Variants in CFAP20DC observed in about 807,000 individuals in gnomAD.
CFAP20DC encodes the protein CFAP20 domain containing.
CFAP20DC carries 84 observed loss-of-function variants against 101.7 expected under a neutral mutation model. That is an observed-to-expected ratio of 0.83 (90% CI 0.69 to 0.99). The LOEUF (loss-of-function observed/expected upper bound fraction) is 0.99. CFAP20DC is among the 50% of genes least tolerant of loss of function. The probability of loss-of-function intolerance (pLI) is 0.00; values close to 1 mark genes in which losing one functional copy is unlikely to be tolerated. For synonymous variants in CFAP20DC, 359 were observed against 351.2 expected (o/e 1.02, Z -0.25); for missense variants, 1,007 against 970.3 (o/e 1.04, Z -0.50).
chr3:58,768,950 G>A (rs1015361593), intron 15 of CFAP20DC, among the ~76,000 whole-genome samples: 22 of 152,184 alleles, frequency 1.4e-4, no homozygotes, highest in African/African-American at 5.3e-4. Context: ...ACATTAGGAG[G>A]AACTGGGGAG....
chr3:58,866,728 G>C, intron 10 of CFAP20DC, 40 bp from the exon 11 acceptor site: 1 of 1,319,058 alleles, frequency 7.6e-7, no homozygotes, highest in Non-Finnish European at 1.1e-6. Flanking sequence ...TACTTCTTTT[G>C]AAATTTATAA....
At chr3:58,755,079 A>G (rs1481795507) in intron 15 of CFAP20DC, among the ~76,000 whole-genome samples, 2 of 152,196 alleles carry the variant, frequency 1.3e-5, no homozygotes, top group African/African-American at 4.8e-5. Context: ...AATGATTAAC[A>G]GTCTATACAA....
Position 58,863,854 on chromosome 3 carries a change from A to G in CFAP20DC, c.1297T>C (p.Tyr433His), listed in dbSNP as rs2079451604. ...IFPENADHISYLASSRQSLLL... is the reference protein window; with the variant it reads ...IFPENADHISHLASSRQSLLL... ...AGAGACTGTCTGCTGGATGCCAGATATGAAATGTGATCAGCATTTTCAGGA... is the reference window on the plus strand; with the variant it reads ...AGAGACTGTCTGCTGGATGCCAGATGTGAAATGTGATCAGCATTTTCAGGA... Residue 433 changes from tyrosine to histidine, a missense_variant, in exon 12 of 17, where the codon TAT (tyrosine) becomes CAT (histidine). Transcript: ENST00000482387. This position sits in a 1 kb window ranked among gnomAD's most constrained non-coding sequence, Gnocchi z 5.9. 1 of 1,613,716 alleles carries G rather than the reference A, an allele frequency of 6.2e-7. No homozygotes were observed. Among genetic ancestry groups the G allele is most frequent in the South Asian group, 1.1e-5 (1 of 90,956 alleles).
chr3:58,843,571 C>A (rs929101126), intron 13 of CFAP20DC, among the ~76,000 whole-genome samples: 3 of 151,874 alleles, frequency 2.0e-5, no homozygotes, highest in Non-Finnish European at 2.9e-5. Context: ...AGAATGGAAC[C>A]AAGTTGGAAA....
At chr3:58,920,869 ACTTC>A (rs1306024199) in intron 5 of CFAP20DC, among the ~76,000 whole-genome samples, 1 of 152,184 alleles carries the variant, frequency 6.6e-6, no homozygotes, top group Non-Finnish European at 1.5e-5. Context: ...TGGTATTATT[ACTTC>A]CTTAAATTTT....
chr3:58,867,984 TGGCTTGAA>T, intron 9 of CFAP20DC, 48 bp from the exon 10 acceptor site: 2 of 1,530,320 alleles, frequency 1.3e-6, no homozygotes. Flanking sequence ...AAGTGCTATA[TGGCTTGAA>T]GTAACTCAGT....
intron 4 of CFAP20DC, among the ~76,000 whole-genome samples, chr3:58,953,263 G>A (rs985723505): frequency 6.6e-6 from 1 of 152,164 alleles, no homozygotes; most frequent in African/African-American, 2.4e-5. Context: ...ATCTTTCAAC[G>A]TAATCCAACA....
intron 12 of CFAP20DC, among the ~76,000 whole-genome samples, chr3:58,850,275 C>T (rs1203070631): frequency 2.0e-5 from 3 of 151,974 alleles, no homozygotes; most frequent in East Asian, 1.9e-4. Flanking sequence ...GTAGATTCTT[C>T]GAATTTGACT....
intron 4 of CFAP20DC, among the ~76,000 whole-genome samples, chr3:58,995,713 C>T (rs988207626): frequency 6.6e-6 from 1 of 152,114 alleles, no homozygotes; most frequent in African/African-American, 2.4e-5. Context: ...AGGTCTCATC[C>T]AATCAATTGG....
intron 6 of CFAP20DC, among the ~76,000 whole-genome samples, chr3:58,891,197 C>G (rs1483825265): frequency 7.0e-6 from 1 of 143,328 alleles, no homozygotes; most frequent in African/African-American, 2.6e-5. Context: ...CCGAGGCTGG[C>G]GGATCACTCG....
chr3:59,021,318 A>T (rs2093798468), intron 4 of CFAP20DC, among the ~76,000 whole-genome samples: 1 of 152,084 alleles, frequency 6.6e-6, no homozygotes, highest in African/African-American at 2.4e-5. Context: ...AGTATAATAG[A>T]TCTGACTACA....
At position 58,863,119 on chromosome 3, in the gene CFAP20DC, T is replaced by C. The variant is rs1034783725; in HGVS notation, c.1593+439A>G. ...CCATATGGAAAATAATGAGTCCTAATAGGTCTAAGGTGAAAAGATGGCAGG... is the reference window on the plus strand; with the variant it reads ...CCATATGGAAAATAATGAGTCCTAACAGGTCTAAGGTGAAAAGATGGCAGG... On this transcript the variant is annotated intron_variant, in intron 12 of 16. Transcript: ENST00000482387. The surrounding 1 kb of genome is among the most constrained non-coding windows in gnomAD (Gnocchi z 5.9). 9.8e-7 allele frequency: 1 copy of C among 1,024,158 alleles called. No individual in the cohort carries two copies. The allele number at this position is 1,024,158 out of a possible 1,614,324, so 63.4% of individuals were successfully genotyped here.
chr3:58,821,164 A>C (rs1240922723), intron 14 of CFAP20DC, among the ~76,000 whole-genome samples: 1 of 152,034 alleles, frequency 6.6e-6, no homozygotes, highest in African/African-American at 2.4e-5. Flanking sequence ...TAAAGATTTA[A>C]ACGTTAGACC....
In CFAP20DC at chr3:58,724,716, C is replaced by T; in HGVS notation, c.198-7088G>A. Among the ~76,000 whole-genome samples, 1 of 152,160 alleles carries T rather than the reference C, an allele frequency of 6.6e-6. No individual in the cohort carries two copies. The highest frequency in any genetic ancestry group is 1.9e-4 in the East Asian group (1 of 5,188). Reference sequence around the variant, plus strand: ...AGAGCTCGGCGCCTTTTGCAGCCTCCATTTTGCAACTGGCCCCCTGGCTCC... The same window carrying T: ...AGAGCTCGGCGCCTTTTGCAGCCTCTATTTTGCAACTGGCCCCCTGGCTCC... On this transcript the variant is annotated intron_variant, in intron 3 of 3. Transcript: ENST00000486145. The surrounding 1 kb of genome is among the most constrained non-coding windows in gnomAD (Gnocchi z 5.6).
intron 3 of CFAP20DC, among the ~76,000 whole-genome samples, chr3:58,736,072 G>T (rs758370864): frequency 1.7e-4 from 26 of 152,076 alleles, no homozygotes; most frequent in Non-Finnish European, 2.6e-4. Context: ...GAATTGAAAA[G>T]ATATTATAAG....
At chr3:58,852,233 T>G (rs1410061467) in intron 12 of CFAP20DC, among the ~76,000 whole-genome samples, 1 of 152,096 alleles carries the variant, frequency 6.6e-6, no homozygotes, top group African/African-American at 2.4e-5. Flanking sequence ...CCCACTTGTT[T>G]AAAATTTCCA....
rs905101759 is a variant in CFAP20DC, at chr3:58,724,079, T to TG, written c.198-6452dup. Among the ~76,000 whole-genome samples the TG allele has an allele frequency of 1.3e-5, 2 of 152,182 alleles. No individual in the cohort carries two copies. Among genetic ancestry groups the TG allele is most frequent in the African/African-American group, 4.8e-5 (2 of 41,448 alleles). ...CCAGGATGCTGAGGTTTAATCCCTT[T>TG]GAAAGGAGGGTGCTCCATGCTGTGG... On this transcript the variant is annotated intron_variant, in intron 3 of 3. Transcript: ENST00000486145. This position sits in a 1 kb window ranked among gnomAD's most constrained non-coding sequence, Gnocchi z 5.6.
chr3:58,723,405 C>G (rs1166296846), intron 3 of CFAP20DC, among the ~76,000 whole-genome samples: 2 of 152,146 alleles, frequency 1.3e-5, no homozygotes, highest in Non-Finnish European at 2.9e-5. Flanking sequence ...ACTTCACTTT[C>G]AACAATTTTA....
rs564698605 is a variant in CFAP20DC at position 58,967,660 on chromosome 3, C to T, written c.279-29898G>A. 2.0e-5 allele frequency among the ~76,000 whole-genome samples: 3 copies of T among 152,244 alleles called. No homozygotes were observed. In the South Asian group the frequency reaches 6.2e-4, roughly 32 times the overall value. ...AGATTTAAAAACTCATATGAATCAA[C>T]AACGAAAAGATAATCCAATTAAAAA... On this transcript the variant is annotated intron_variant, in intron 4 of 16. Coordinates refer to ENST00000482387, the MANE Select transcript of CFAP20DC (RefSeq NM_001394063.1).
Sources: allele counts gnomAD v4.1 joint callset (sites outside exome capture counted in the v4.1 genomes callset), GRCh38; gene constraint gnomAD v4.1.1; non-coding constraint Gnocchi (gnomAD v3.1); transcripts MANE v1.5; gene names NCBI Gene and HGNC (gene_info 2026-07-23, HGNC 2026-07-21).